The following PALM2AKAP2 variants were observed in gnomAD, a reference collection of about 807,000 sequenced individuals.
PALM2AKAP2 encodes the protein PALM2 and AKAP2 fusion, also known as PALM2-AKAP2 fusion protein.
A neutral mutation model predicts 71.5 loss-of-function variants in PALM2AKAP2; 37 were observed. The observed-to-expected ratio is 0.52, with a 90% confidence interval of 0.40 to 0.68. The LOEUF (loss-of-function observed/expected upper bound fraction) is 0.68, where lower values mean the gene tolerates loss of function less well. Ranked by LOEUF, PALM2AKAP2 falls within the 30% of genes least tolerant of loss-of-function variation. PALM2AKAP2 has a pLI of 0.00. For missense variants in PALM2AKAP2, 1,224 were observed against 1,191.8 expected, an observed-to-expected ratio of 1.03 and a Z score of -0.40; for synonymous variants, 468 against 478.8, an observed-to-expected ratio of 0.98 and a Z score of 0.29.
At chr9:110,168,670 C>G in exon 4 of PALM2AKAP2, 4 of 773,152 alleles carry the variant, frequency 5.2e-6, no homozygotes, top group Non-Finnish European at 7.7e-6. Flanking sequence ...AAAGGAAGTC[C>G]CCCCATCAGA....
At chr9:109,833,304 G>A (rs1425600337) in intron 1 of PALM2AKAP2, among the ~76,000 whole-genome samples, 2 of 152,114 alleles carry the variant, frequency 1.3e-5, no homozygotes, top group African/African-American at 4.8e-5. Flanking sequence ...GCAGTAAGCC[G>A]GGATCACGCC....
chr9:110,121,544 C>G (rs897306767), intron 1 of PALM2AKAP2, among the ~76,000 whole-genome samples: 1 of 152,226 alleles, frequency 6.6e-6, no homozygotes, highest in Non-Finnish European at 1.5e-5. Context: ...CTTTGCAATT[C>G]CAGGCAATGG....
At chr9:109,662,283 A>G (rs555897150) in intron 1 of PALM2AKAP2, among the ~76,000 whole-genome samples, 148 of 152,226 alleles carry the variant, frequency 9.7e-4, no homozygotes, top group Admixed American at 2.5e-3. Context: ...TGCCCATTCA[A>G]TATGATATTG....
intron 1 of PALM2AKAP2, chr9:109,760,262 A>G (rs1829031118): frequency 2.0e-5 from 3 of 152,234 alleles, no homozygotes; most frequent in Admixed American, 2.0e-4. Context: ...CTTGCTCACC[A>G]AAATCATGCC....
intron 6 of PALM2AKAP2, among the ~76,000 whole-genome samples, chr9:109,996,836 G>T (rs962602615): frequency 6.6e-6 from 1 of 152,208 alleles, no homozygotes; most frequent in Non-Finnish European, 1.5e-5. Flanking sequence ...GTTGGCATGC[G>T]TACACACAAG....
upstream of PALM2AKAP2, among the ~76,000 whole-genome samples, chr9:110,045,796 C>T (rs62580232): frequency 6.6e-6 from 1 of 152,112 alleles, no homozygotes; most frequent in Admixed American, 6.6e-5. Context: ...TCTTGAACTC[C>T]TGACCTCGTG....
At chr9:110,075,078 G>A (rs746585869) in intron 1 of PALM2AKAP2, among the ~76,000 whole-genome samples, 1 of 152,082 alleles carries the variant, frequency 6.6e-6, no homozygotes. Context: ...TCTTGAATGC[G>A]GGCACAATTT....
chr9:109,664,512 T>C (rs1463126330), intron 1 of PALM2AKAP2, among the ~76,000 whole-genome samples: 1 of 152,254 alleles, frequency 6.6e-6, no homozygotes, highest in Non-Finnish European at 1.5e-5. Context: ...TGTTGAATAT[T>C]GGTCCCCACT....
At chr9:109,969,743 G>A (rs1832029355) in intron 6 of PALM2AKAP2, among the ~76,000 whole-genome samples, 1 of 152,274 alleles carries the variant, frequency 6.6e-6, no homozygotes, top group African/African-American at 2.4e-5. Context: ...TCAGCATCCA[G>A]CTTCCCTGCT....
intron 1 of PALM2AKAP2, among the ~76,000 whole-genome samples, chr9:109,752,808 C>T (rs1828904266): frequency 6.6e-6 from 1 of 152,086 alleles, no homozygotes; most frequent in Non-Finnish European, 1.5e-5. Context: ...GGGGAAAATG[C>T]CACCTAGAGG....
chr9:109,668,486 G>C (rs1259059621), intron 1 of PALM2AKAP2, among the ~76,000 whole-genome samples: 1 of 152,228 alleles, frequency 6.6e-6, no homozygotes, highest in Non-Finnish European at 1.5e-5. Flanking sequence ...GCATAACTCA[G>C]ACTTTTAGTC....
intron 3 of PALM2AKAP2, among the ~76,000 whole-genome samples, chr9:109,922,645 C>G (rs1830862137): frequency 6.6e-6 from 1 of 152,092 alleles, no homozygotes; most frequent in Non-Finnish European, 1.5e-5. Context: ...AGAGTTTTAG[C>G]AAGAGAACAT....
chr9:110,004,489 A>C (rs1269750685), intron 6 of PALM2AKAP2, among the ~76,000 whole-genome samples: 1 of 152,076 alleles, frequency 6.6e-6, no homozygotes, highest in Non-Finnish European at 1.5e-5. Context: ...AACTTTGGTG[A>C]ATCTGACAAT....
intron 6 of PALM2AKAP2, among the ~76,000 whole-genome samples, chr9:110,005,838 C>A (rs539164688): frequency 6.6e-6 from 1 of 152,322 alleles, no homozygotes; most frequent in African/African-American, 2.4e-5. Context: ...GCGTGGGATA[C>A]AATCTCCTGG....
intron 1 of PALM2AKAP2, among the ~76,000 whole-genome samples, chr9:110,111,609 T>C (rs1835255119): frequency 6.6e-6 from 1 of 152,196 alleles, no homozygotes. Context: ...ATTGCTAAGA[T>C]GAGAAAAAGG....
intron 2 of PALM2AKAP2, among the ~76,000 whole-genome samples, chr9:109,868,079 A>T (rs765174484): frequency 9.9e-5 from 15 of 152,192 alleles, no homozygotes; most frequent in Non-Finnish European, 2.2e-4. Context: ...CATTTATTTT[A>T]TTTGTACTTT....
chr9:110,031,194 C>T (rs1197508741), intron 7 of PALM2AKAP2, among the ~76,000 whole-genome samples: 1 of 152,180 alleles, frequency 6.6e-6, no homozygotes, highest in East Asian at 1.9e-4. Flanking sequence ...GCCATCTTGG[C>T]TCACTGCAAC....
At chr9:110,109,118 G>C (rs1835180794) in intron 1 of PALM2AKAP2, among the ~76,000 whole-genome samples, 1 of 151,952 alleles carries the variant, frequency 6.6e-6, no homozygotes, top group Non-Finnish European at 1.5e-5. Context: ...AGGAGTTCGA[G>C]ACCAACCTTA....
chr9:110,136,697 A>T, exon 2 of PALM2AKAP2: 1 of 1,614,176 alleles, frequency 6.2e-7, no homozygotes, highest in Non-Finnish European at 8.5e-7. Flanking sequence ...TGTCAGCCCC[A>T]GCTCCACAAC....
Sources: allele counts gnomAD v4.1 joint callset (sites outside exome capture counted in the v4.1 genomes callset), GRCh38; gene constraint gnomAD v4.1.1; transcripts MANE v1.5; gene names NCBI Gene and HGNC (gene_info 2026-07-23, HGNC 2026-07-21).